The following TSG101 variants were observed in gnomAD, a reference collection of about 807,000 sequenced individuals.
The protein encoded by TSG101 is tumor susceptibility 101.
TSG101 carries 19 observed loss-of-function variants against 48.5 expected under a neutral mutation model. That is an observed-to-expected ratio of 0.39 (90% CI 0.27 to 0.58). TSG101 has a LOEUF of 0.58. TSG101 is among the 20% of genes least tolerant of loss of function. TSG101 has a pLI of 0.55. For missense variants in TSG101, 365 were observed against 484.4 expected (o/e 0.75, Z 2.31); for synonymous variants, 174 against 169.4 (o/e 1.03, Z -0.21).
At chr11:18,508,284 C>T (rs191831264) in intron 5 of TSG101, among the ~76,000 whole-genome samples, 191 of 146,142 alleles carry the variant, frequency 1.3e-3, no homozygotes, top group African/African-American at 4.7e-3. Context: ...TGCAGTAATG[C>T]GATCTCAGCT....
intron 2 of TSG101, among the ~76,000 whole-genome samples, chr11:18,518,565 G>C (rs1850217040): frequency 6.6e-6 from 1 of 152,116 alleles, no homozygotes; most frequent in African/African-American, 2.4e-5. Flanking sequence ...TGTCTCAATA[G>C]AAAGTAGAGA....
chr11:18,515,481 G>C (rs1192888811), intron 3 of TSG101, among the ~76,000 whole-genome samples: 3 of 152,176 alleles, frequency 2.0e-5, no homozygotes, highest in African/African-American at 7.2e-5. Context: ...TATTTCAGCA[G>C]AGGGTGAAAG....
At chr11:18,488,603 G>C (rs928084536) in intron 7 of TSG101, among the ~76,000 whole-genome samples, 2 of 152,150 alleles carry the variant, frequency 1.3e-5, no homozygotes, top group African/African-American at 4.8e-5. Flanking sequence ...ACACCGTGTT[G>C]AGAACTGGAG....
At chr11:18,509,018 A>T (rs1329138345) in intron 5 of TSG101, among the ~76,000 whole-genome samples, 4 of 152,138 alleles carry the variant, frequency 2.6e-5, no homozygotes, top group Non-Finnish European at 4.4e-5. Flanking sequence ...GAGAAGCAAC[A>T]CTCTCTCCAT....
rs1850389259 is a variant in TSG101, at chr11:18,526,942, C to T, written c.-126G>A. 14 of 1,014,192 alleles carry T rather than the reference C, an allele frequency of 1.4e-5. No individual in the cohort carries two copies. Among genetic ancestry groups the T allele is most frequent in the South Asian group, 6.0e-5 (4 of 66,820 alleles). The allele number at this position is 1,014,192 out of a possible 1,614,324, so 62.8% of individuals were successfully genotyped here. A position where few individuals can be genotyped will look rare whatever the true frequency, so the allele number is the denominator to read the frequency against. On this transcript the variant is annotated 5_prime_UTR_variant, in exon 1 of 10. Transcript: ENST00000251968. The stretch of plus-strand genomic sequence containing the variant: ...AAACAACAGGAAGTCGGCACCACTA[C>T]ACCACTTCCGCTTCCACTACGTCAC...
chr11:18,525,114 G>T (rs1850346523), intron 1 of TSG101, among the ~76,000 whole-genome samples: 1 of 151,928 alleles, frequency 6.6e-6, no homozygotes, highest in South Asian at 2.1e-4. Context: ...TCACCATGTT[G>T]ATCAGGCTGG....
intron 1 of TSG101, among the ~76,000 whole-genome samples, chr11:18,525,282 C>G (rs769047043): frequency 1.4e-4 from 22 of 152,044 alleles, no homozygotes; most frequent in Non-Finnish European, 2.4e-4. Context: ...TGTGGTGGCT[C>G]ACGCCTGTAT....
intron 4 of TSG101, among the ~76,000 whole-genome samples, chr11:18,512,142 C>T (rs1293134478): frequency 1.3e-5 from 2 of 152,150 alleles, no homozygotes; most frequent in African/African-American, 2.4e-5. Context: ...CAATGGCTCA[C>T]ACCTGTAATC....
chr11:18,483,857 A>G lies in TSG101; in HGVS notation c.843+13T>C. 1 of 1,613,694 alleles carries G rather than the reference A, an allele frequency of 6.2e-7. No homozygotes were observed. The highest frequency in any genetic ancestry group is 8.5e-7 in the Non-Finnish European group (1 of 1,179,956). ...TCAATCCAAAAATTTTAAGTCTTTA[A>G]TGAGTCACTTACTACTTCTTGATCT... On this transcript the variant is annotated intron_variant, in intron 8 of 9. Transcript: ENST00000251968.
intron 8 of TSG101, among the ~76,000 whole-genome samples, chr11:18,482,619 TACAC>T (rs1475941871): frequency 6.6e-6 from 1 of 152,210 alleles, no homozygotes; most frequent in Admixed American, 6.5e-5. Flanking sequence ...AGGGCTGACT[TACAC>T]ACGGACTGTC....
At position 18,526,859 on chromosome 11, in the gene TSG101, G is replaced by C. The variant is rs777570600; in HGVS notation, c.-43C>G. On this transcript the variant is annotated 5_prime_UTR_variant, in exon 1 of 10. Coordinates refer to ENST00000251968, the MANE Select transcript of TSG101 (RefSeq NM_006292.4). Reference sequence around the variant, plus strand: ...TCCCTTCCCCGCAGGCAGAGGGTCAGCCGCTGCTGGGCTGCCCCAGACCGT... The same window carrying C: ...TCCCTTCCCCGCAGGCAGAGGGTCACCCGCTGCTGGGCTGCCCCAGACCGT... The C allele has an allele frequency of 3.2e-6, 5 of 1,587,286 alleles. No homozygotes were observed. The South Asian group carries it at 4.5e-5, about 14-fold the overall frequency.
chr11:18,502,446 T>A, intron 7 of TSG101, 40 bp downstream of exon 7: 2 of 1,543,844 alleles, frequency 1.3e-6, no homozygotes, highest in African/African-American at 1.4e-5. Context: ...GAGTTAGACT[T>A]TGCTTATATG....
intron 4 of TSG101, among the ~76,000 whole-genome samples, chr11:18,511,847 T>A (rs1038714959): frequency 6.6e-6 from 1 of 152,188 alleles, no homozygotes; most frequent in Non-Finnish European, 1.5e-5. Context: ...TCCATCTCTA[T>A]AGATTTGCTT....
intron 7 of TSG101, among the ~76,000 whole-genome samples, chr11:18,485,355 CTATATT>C (rs1353248605): frequency 6.6e-6 from 1 of 152,148 alleles, no homozygotes; most frequent in Non-Finnish European, 1.5e-5. Context: ...ACAGTTATCA[CTATATT>C]TATTAGTTTA....
Position 18,483,914 on chromosome 11 carries a change from G to T in TSG101, c.799C>A (p.His267Asn). The T allele has an allele frequency of 1.9e-6, 3 of 1,614,142 alleles. No individual in the cohort carries two copies. The highest frequency in any genetic ancestry group is 2.5e-6 in the Non-Finnish European group (3 of 1,180,018). ...GTAACCATCTCTTCCAGTTTCTGGT[G>T]ACCCTTTTTCAGGTCTTCTTCTGTT... ...KRTEEDLKKG[H>N]QKLEEMVTRL... The change falls in exon 8 of 10, where the codon CAC becomes AAC. Residue 267 changes from histidine to asparagine, a missense_variant. Coordinates refer to ENST00000251968, the MANE Select transcript of TSG101 (RefSeq NM_006292.4).
intron 1 of TSG101, among the ~76,000 whole-genome samples, chr11:18,525,294 C>T (rs1850350670): frequency 6.6e-6 from 1 of 152,058 alleles, no homozygotes; most frequent in African/African-American, 2.4e-5. Context: ...CGCCTGTATT[C>T]CCATCATTTT....
At chr11:18,518,497 A>G (rs1850216126) in intron 2 of TSG101, among the ~76,000 whole-genome samples, 1 of 152,218 alleles carries the variant, frequency 6.6e-6, no homozygotes, top group Admixed American at 6.5e-5. Flanking sequence ...TTTGGTAGGG[A>G]CAGAAAAGAC....
intron 8 of TSG101, among the ~76,000 whole-genome samples, chr11:18,482,201 TAA>T (rs1293620591): frequency 6.6e-6 from 1 of 152,190 alleles, no homozygotes; most frequent in Admixed American, 6.5e-5. Context: ...TAGAAAATCA[TAA>T]GAGGTTTTTC....
At chr11:18,484,335 T>C (rs1478223569) in intron 7 of TSG101, among the ~76,000 whole-genome samples, 1 of 152,222 alleles carries the variant, frequency 6.6e-6, no homozygotes, top group Non-Finnish European at 1.5e-5. Context: ...CAATTAGTTA[T>C]TTTCTCAATG....
Sources: gnomAD v4.1 joint callset for allele counts (sites outside exome capture counted in the v4.1 genomes callset) on GRCh38, gnomAD v4.1.1 for gene constraint, MANE v1.5 for transcripts, NCBI Gene and HGNC (gene_info 2026-07-23, HGNC 2026-07-21) for gene names.